SV2C: variants seen among roughly 807,000 people sequenced by gnomAD.
The protein encoded by SV2C is synaptic vesicle glycoprotein 2C, also known as solute carrier family 22 member B3.
A neutral mutation model predicts 79.7 loss-of-function variants in SV2C; 49 were observed. The ratio of observed to expected loss-of-function variants is 0.61; its 90% CI spans 0.49 to 0.78. The LOEUF (loss-of-function observed/expected upper bound fraction) is 0.78. SV2C is among the 30% of genes least tolerant of loss of function. SV2C has a pLI of 0.00. For missense variants in SV2C, 833 were observed against 912.9 expected (o/e 0.91, Z 1.13); for synonymous variants, 334 against 333.2 (o/e 1.00, Z -0.03).
At chr5:75,948,895 AT>A in the SV2C span, among the ~76,000 whole-genome samples, 1 of 151,914 alleles carries the variant, frequency 6.6e-6, no homozygotes, top group Non-Finnish European at 1.5e-5. Context: ...GAAGGCTTTG[AT>A]TAGAACTTTG....
chr5:75,902,371 T>C, the SV2C span, among the ~76,000 whole-genome samples: 4 of 152,222 alleles, frequency 2.6e-5, no homozygotes, highest in African/African-American at 9.6e-5. Context: ...CTACTGTGCC[T>C]TCACAGAAGG....
At chr5:75,907,276 ATTAC>A in the SV2C span, among the ~76,000 whole-genome samples, 2 of 152,178 alleles carry the variant, frequency 1.3e-5, no homozygotes, top group South Asian at 4.1e-4. Context: ...TTGACTAAAT[ATTAC>A]TTATTACTTA....
chr5:76,292,030 T>C (rs1747583743), intron 8 of SV2C, among the ~76,000 whole-genome samples, 174 bp downstream of exon 8: 1 of 152,224 alleles, frequency 6.6e-6, no homozygotes, highest in African/African-American at 2.4e-5. Flanking sequence ...GTTATTTTAT[T>C]TGTTTTGTCA....
At chr5:76,006,363 T>G in the SV2C span, among the ~76,000 whole-genome samples, 5 of 152,278 alleles carry the variant, frequency 3.3e-5, no homozygotes, top group East Asian at 7.7e-4. Flanking sequence ...CAGAAAGAGA[T>G]GCTATGTAAG....
the SV2C span, among the ~76,000 whole-genome samples, chr5:75,853,124 C>G: frequency 2.0e-5 from 3 of 152,152 alleles, no homozygotes; most frequent in South Asian, 4.1e-4. Flanking sequence ...TCCATGTAAA[C>G]TGTGATAAGT....
chr5:75,965,746 A>C, the SV2C span, among the ~76,000 whole-genome samples: 4 of 151,962 alleles, frequency 2.6e-5, no homozygotes, highest in Non-Finnish European at 5.9e-5. Context: ...AGTTTTTTTT[A>C]TTCTACCTAC....
At chr5:76,240,021 T>A (rs993929186) in intron 4 of SV2C, among the ~76,000 whole-genome samples, 1 of 152,214 alleles carries the variant, frequency 6.6e-6, no homozygotes, top group African/African-American at 2.4e-5. Flanking sequence ...TTTTTGTTCC[T>A]TTTCCTTTCT....
rs749915310 is a variant in SV2C at position 76,310,329 on chromosome 5, T to C, written c.2000+8784T>C. ...ATAGAATGGTCTAGGGGGATGTGAC[T>C]GTAAAGCTGACATTTGAGCAAAGAC... is the stretch of plus-strand genomic sequence containing the variant. On this transcript the variant is annotated intron_variant, in intron 12 of 12. Coordinates refer to ENST00000502798, the MANE Select transcript of SV2C (RefSeq NM_014979.4). Among the ~76,000 whole-genome samples, 61 of 152,178 alleles carry C rather than the reference T, an allele frequency of 4.0e-4. 2 individuals carry two copies. The highest frequency in any genetic ancestry group is 1.3e-4 in the Non-Finnish European group (9 of 68,030).
At chr5:76,137,778 A>G (rs1468259351) in intron 2 of SV2C, among the ~76,000 whole-genome samples, 1 of 152,124 alleles carries the variant, frequency 6.6e-6, no homozygotes, top group Non-Finnish European at 1.5e-5. Context: ...GTGCTTCTCT[A>G]GACATGCCAA....
intron 3 of SV2C, among the ~76,000 whole-genome samples, chr5:76,198,162 C>T (rs1744330188): frequency 2.0e-5 from 3 of 152,290 alleles, no homozygotes; most frequent in South Asian, 2.1e-4. Context: ...CCCTCACAGA[C>T]GCACCCAGAA....
chr5:76,212,467 T>A (rs1744793558), intron 4 of SV2C, among the ~76,000 whole-genome samples: 1 of 151,874 alleles, frequency 6.6e-6, no homozygotes, highest in Non-Finnish European at 1.5e-5. Context: ...CTCTCTCTTT[T>A]TCTTTTTTTT....
At chr5:76,184,600 C>T (rs545832608) in intron 2 of SV2C, among the ~76,000 whole-genome samples, 11 of 152,164 alleles carry the variant, frequency 7.2e-5, no homozygotes, top group African/African-American at 1.7e-4. Context: ...CTTCATAGGG[C>T]GGCAGGAGAG....
the SV2C span, among the ~76,000 whole-genome samples, chr5:75,903,245 C>A: frequency 9.2e-5 from 14 of 152,066 alleles, no homozygotes; most frequent in Admixed American, 5.9e-4. Context: ...GATTATTCAA[C>A]CTTTCACTGT....
At chr5:76,255,618 C>A (rs1746239181) in intron 4 of SV2C, among the ~76,000 whole-genome samples, 1 of 152,184 alleles carries the variant, frequency 6.6e-6, no homozygotes, top group African/African-American at 2.4e-5. Context: ...ATTTTCCCTA[C>A]CAAATCCCAG....
chr5:76,009,891 C>A, the SV2C span, among the ~76,000 whole-genome samples: 34 of 151,838 alleles, frequency 2.2e-4, no homozygotes, highest in South Asian at 4.2e-4. Flanking sequence ...ACATGTACCC[C>A]CTGAATCTCA....
At chr5:75,909,242 T>C in the SV2C span, among the ~76,000 whole-genome samples, 5,072 of 152,294 alleles carry the variant, frequency 0.033, 269 homozygotes, top group African/African-American at 0.11. Context: ...TGCATGTGTG[T>C]CAGGGTCCTG....
At chr5:75,851,250 T>C in the SV2C span, among the ~76,000 whole-genome samples, 1 of 152,214 alleles carries the variant, frequency 6.6e-6, no homozygotes, top group South Asian at 2.1e-4. Context: ...AGCTAGATGA[T>C]ATTTTCAATA....
At chr5:75,871,669 G>A in the SV2C span, among the ~76,000 whole-genome samples, 81 of 151,674 alleles carry the variant, frequency 5.3e-4, no homozygotes, top group Non-Finnish European at 9.3e-4. Context: ...TTAGGTGGGT[G>A]TGGTGGCGTG....
At chr5:76,005,514 A>T in the SV2C span, among the ~76,000 whole-genome samples, 1 of 152,118 alleles carries the variant, frequency 6.6e-6, no homozygotes. Flanking sequence ...TAATAATTTC[A>T]TGTATGACTA....
Sources: allele counts gnomAD v4.1 joint callset (sites outside exome capture counted in the v4.1 genomes callset), GRCh38; gene constraint gnomAD v4.1.1; transcripts MANE v1.5; gene names NCBI Gene and HGNC (gene_info 2026-07-23, HGNC 2026-07-21).